Variants in CCDC88C observed in about 807,000 individuals in gnomAD.
The protein encoded by CCDC88C is coiled-coil and HOOK domain protein 88C.
Under a neutral mutation model 198.8 loss-of-function variants are expected in CCDC88C, and 131 were observed. That is an observed-to-expected ratio of 0.66 (90% CI 0.57 to 0.76). The LOEUF (loss-of-function observed/expected upper bound fraction) is 0.76. CCDC88C is among the 30% of genes least tolerant of loss of function. The pLI is 0.00. For synonymous variants in CCDC88C, 1,166 were observed against 1,114.7 expected (o/e 1.05, Z -0.92); for missense variants, 2,553 against 2,631.6 (o/e 0.97, Z 0.65).
At chr14:91,316,928 C>A (rs915743434) in intron 13 of CCDC88C, among the ~76,000 whole-genome samples, 31 of 152,300 alleles carry the variant, frequency 2.0e-4, no homozygotes, top group Admixed American at 1.7e-3. Flanking sequence ...TCCTGTCCTC[C>A]CTGCAGCCAC....
At chr14:91,373,219 C>T (rs1397583506) in intron 3 of CCDC88C, among the ~76,000 whole-genome samples, 10 of 152,108 alleles carry the variant, frequency 6.6e-5, no homozygotes, top group Non-Finnish European at 5.9e-5. Flanking sequence ...TCCCTCTGGC[C>T]TCAGGAGGGC....
chr14:91,304,402 G>C (rs995488513), intron 19 of CCDC88C, among the ~76,000 whole-genome samples: 1 of 152,194 alleles, frequency 6.6e-6, no homozygotes, highest in African/African-American at 2.4e-5. Context: ...GAGCAACATA[G>C]TGAGACCCCA....
intron 3 of CCDC88C, among the ~76,000 whole-genome samples, chr14:91,398,102 G>A (rs549686879): frequency 1.1e-4 from 16 of 152,276 alleles, no homozygotes; most frequent in African/African-American, 3.9e-4. Flanking sequence ...TAAAGGTTAA[G>A]CTCCCTCCCA....
chr14:91,311,417 T>C (rs1307166803), intron 15 of CCDC88C, among the ~76,000 whole-genome samples: 1 of 152,216 alleles, frequency 6.6e-6, no homozygotes, highest in Non-Finnish European at 1.5e-5. Flanking sequence ...CACCCTGTGG[T>C]TGGGTGTGGC....
Position 91,309,944 on chromosome 14 carries a change from C to G in CCDC88C, c.2779G>C (p.Glu927Gln). 6.2e-7 allele frequency: 1 copy of G among 1,605,408 alleles called. No individual in the cohort carries two copies. Among genetic ancestry groups the G allele is most frequent in the Non-Finnish European group, 8.5e-7 (1 of 1,176,024 alleles). ...AGTTCCTGGCTCAGCTTGTCCAGCT[C>G]ACTGCTGAGCTGCTGGCTCTTCAGC... ...EKLKSQQLSSELDKLSQELEK... is the reference protein window; with the variant it reads ...EKLKSQQLSSQLDKLSQELEK... The change falls in exon 16 of 30, where the codon GAG becomes CAG. Residue 927 changes from glutamate to glutamine, a missense_variant. Physicochemically the swap from Glu to Gln is conservative, Grantham distance 29. Transcript: ENST00000389857.
chr14:91,293,815 G>T (rs1890877665), intron 23 of CCDC88C, among the ~76,000 whole-genome samples: 1 of 152,180 alleles, frequency 6.6e-6, no homozygotes, highest in Admixed American at 6.5e-5. Flanking sequence ...CATCCAGGGG[G>T]ACACAGGCAG....
At chr14:91,391,640 G>A (rs1031679955) in intron 3 of CCDC88C, among the ~76,000 whole-genome samples, 3 of 152,040 alleles carry the variant, frequency 2.0e-5, no homozygotes, top group East Asian at 3.9e-4. Context: ...TTATCCAGGC[G>A]TGGTGGCGTG....
rs963390335 is a variant in CCDC88C, at chr14:91,381,246, T to G, written c.271-21535A>C. On this transcript the variant is annotated intron_variant, in intron 3 of 29. Coordinates refer to ENST00000389857, the MANE Select transcript of CCDC88C (RefSeq NM_001080414.4). This position sits in a 1 kb window ranked among gnomAD's most constrained non-coding sequence, Gnocchi z 4.2. ...CCAGCTTGTCCTCTGAAGGAGACTG[T>G]GACCCACCAGACCCCTCACACATGC... Among the ~76,000 whole-genome samples, 25 of 152,214 alleles carry G rather than the reference T, an allele frequency of 1.6e-4. No homozygotes were observed. Among genetic ancestry groups the G allele is most frequent in the African/African-American group, 6.0e-4 (25 of 41,528 alleles).
At chr14:91,375,365 A>G (rs986631509) in intron 3 of CCDC88C, among the ~76,000 whole-genome samples, 41 of 152,194 alleles carry the variant, frequency 2.7e-4, no homozygotes, top group Non-Finnish European at 1.0e-4. Context: ...AATTAGACCA[A>G]CTGGACCCCT....
chr14:91,331,231 T>A (rs1485285250), intron 10 of CCDC88C, among the ~76,000 whole-genome samples: 1 of 152,020 alleles, frequency 6.6e-6, no homozygotes, highest in Non-Finnish European at 1.5e-5. Flanking sequence ...CTGGAGAGAA[T>A]CGGAGGAAAG....
intron 18 of CCDC88C, 99 bp downstream of exon 18, chr14:91,306,939 G>T: frequency 1.6e-6 from 2 of 1,288,214 alleles, no homozygotes; most frequent in Non-Finnish European, 1.1e-6. Flanking sequence ...TAAATCTCCT[G>T]TGTTCTTTAC....
intron 3 of CCDC88C, among the ~76,000 whole-genome samples, chr14:91,396,285 C>G (rs1223009122): frequency 6.6e-6 from 1 of 152,190 alleles, no homozygotes; most frequent in African/African-American, 2.4e-5. Flanking sequence ...ACATGCTGAT[C>G]CTGGCATCTA....
intron 4 of CCDC88C, among the ~76,000 whole-genome samples, chr14:91,349,636 T>G (rs1247252755): frequency 6.6e-6 from 1 of 152,198 alleles, no homozygotes; most frequent in Non-Finnish European, 1.5e-5. Context: ...CAGGACGGCC[T>G]GAGTCAATAG....
In CCDC88C at chr14:91,417,744, C is replaced by T. The variant is rs370509506; in HGVS notation, c.-54G>A. The T allele has an allele frequency of 2.2e-3, 3,164 of 1,419,998 alleles. 64 individuals carry two copies. In the African/African-American group the frequency reaches 0.041, roughly 19 times the overall value. 88.0% of individuals were successfully genotyped at this position (1,419,998 alleles called of 1,614,324 possible). On this transcript the variant is annotated 5_prime_UTR_variant, in exon 1 of 30. Coordinates refer to ENST00000389857, the MANE Select transcript of CCDC88C (RefSeq NM_001080414.4). ...CCCCCGCCCCGCGTCCCCGTTCCCC[C>T]GCGCCGCGGCACAAAACGGCTCCGC...
chr14:91,326,165 C>T (rs1892575763), intron 10 of CCDC88C, 109 bp from the exon 11 acceptor site: 1 of 967,156 alleles, frequency 1.0e-6, no homozygotes, highest in African/African-American at 1.7e-5. Flanking sequence ...AGCAAACAAT[C>T]TAGAGGGAAG....
rs1464032898 is a variant in CCDC88C at position 91,325,629 on chromosome 14, T to G, written c.1197+281A>C. Among the ~76,000 whole-genome samples, 1 of 152,144 alleles carries G rather than the reference T, an allele frequency of 6.6e-6. No individual in the cohort carries two copies. Among genetic ancestry groups the G allele is most frequent in the Non-Finnish European group, 1.5e-5 (1 of 68,038 alleles). The stretch of plus-strand genomic sequence containing the variant: ...TCTTGCTCTATCACCCAGGCTGGAA[T>G]GCAATGGTGTGATCACGGCTCACTG... On this transcript the variant is annotated intron_variant, in intron 11 of 29. Transcript: ENST00000389857. This position sits in a 1 kb window ranked among gnomAD's most constrained non-coding sequence, Gnocchi z 4.1.
In CCDC88C at chr14:91,293,470, A is replaced by G. The variant is rs866372098; in HGVS notation, c.4112+703T>C. On this transcript the variant is annotated intron_variant, in intron 23 of 29. Transcript: ENST00000389857. The stretch of plus-strand genomic sequence containing the variant: ...TGCCACGGTCCACCTTCCCATCCTC[A>G]CCTGCCACAGCTCACCTTCCCATCC... Among the ~76,000 whole-genome samples, 176 of 84,528 alleles carry G rather than the reference A, an allele frequency of 2.1e-3. 6 individuals are homozygous for G. The highest frequency in any genetic ancestry group is 7.7e-3 in the Middle Eastern group (1 of 130). 55.5% of individuals were successfully genotyped at this position (84,528 alleles called of 152,430 possible).
At chr14:91,291,919 A>G (rs1267232998) in intron 23 of CCDC88C, among the ~76,000 whole-genome samples, 1 of 152,150 alleles carries the variant, frequency 6.6e-6, no homozygotes, top group Non-Finnish European at 1.5e-5. Context: ...GCACTTAGGG[A>G]GTCACGGGGC....
At chr14:91,416,943 G>A (rs963473274) in intron 1 of CCDC88C, 105 bp from the exon 2 acceptor site, 6 of 779,430 alleles carry the variant, frequency 7.7e-6, no homozygotes, top group Non-Finnish European at 1.3e-5. Flanking sequence ...GTGAGCAGAA[G>A]GGGGTCACCC....
Sources: gnomAD v4.1 joint callset for allele counts (sites outside exome capture counted in the v4.1 genomes callset) on GRCh38, gnomAD v4.1.1 for gene constraint, Gnocchi (gnomAD v3.1) non-coding constraint, MANE v1.5 for transcripts, NCBI Gene and HGNC (gene_info 2026-07-23, HGNC 2026-07-21) for gene names.